The following GPC6 variants were observed in gnomAD, a reference collection of about 807,000 sequenced individuals.
The protein encoded by GPC6 is glypican 6.
GPC6 carries 14 observed loss-of-function variants against 55.2 expected under a neutral mutation model. The ratio of observed to expected loss-of-function variants is 0.25; its 90% CI spans 0.17 to 0.40. GPC6 has a LOEUF of 0.40. Among genes scored for constraint, GPC6 ranks in the 10% least tolerant of loss-of-function variants. GPC6 has a pLI of 1.00. For synonymous variants in GPC6, 278 were observed against 259.6 expected (o/e 1.07, Z -0.68); for missense variants, 641 against 708.5 (o/e 0.90, Z 1.08).
At chr13:94,228,678 G>T (rs117556820) in intron 4 of GPC6, among the ~76,000 whole-genome samples, 2 of 151,806 alleles carry the variant, frequency 1.3e-5, no homozygotes, top group Non-Finnish European at 2.9e-5. Flanking sequence ...CACCACACAC[G>T]TACACATAGG....
intron 4 of GPC6, among the ~76,000 whole-genome samples, chr13:94,229,798 T>C (rs1890667247): frequency 6.6e-6 from 1 of 152,170 alleles, no homozygotes; most frequent in Non-Finnish European, 1.5e-5. Context: ...AAGATGACAG[T>C]AACTCACAAA....
chr13:94,069,698 A>G (rs891357559), intron 4 of GPC6, among the ~76,000 whole-genome samples: 3 of 152,222 alleles, frequency 2.0e-5, no homozygotes, highest in Non-Finnish European at 4.4e-5. Context: ...ACAGATCTAT[A>G]GGGCAGGGGC....
At chr13:93,464,659 C>T (rs972304590) in intron 1 of GPC6, among the ~76,000 whole-genome samples, 1 of 152,118 alleles carries the variant, frequency 6.6e-6, no homozygotes, top group African/African-American at 2.4e-5. Context: ...AATTCTTGGA[C>T]CCCTCCAAGT....
intron 3 of GPC6, among the ~76,000 whole-genome samples, chr13:93,904,661 G>C (rs894171592): frequency 1.2e-4 from 19 of 152,276 alleles, no homozygotes; most frequent in Admixed American, 9.2e-4. Flanking sequence ...TCACAAGCCA[G>C]GGAGGTTGAG....
chr13:93,344,401 C>T (rs147952592), intron 1 of GPC6, among the ~76,000 whole-genome samples: 18 of 152,278 alleles, frequency 1.2e-4, no homozygotes, highest in African/African-American at 3.4e-4. Context: ...TTTGAATTCT[C>T]CAAAACCTGT....
chr13:93,865,928 G>A (rs1299023610), intron 3 of GPC6, among the ~76,000 whole-genome samples: 1 of 151,604 alleles, frequency 6.6e-6, no homozygotes, highest in Non-Finnish European at 1.5e-5. Flanking sequence ...ATTCTCTGAG[G>A]TCACATGATT....
intron 4 of GPC6, among the ~76,000 whole-genome samples, chr13:94,189,762 C>T (rs568043228): frequency 1.3e-5 from 2 of 152,304 alleles, no homozygotes; most frequent in African/African-American, 4.8e-5. Context: ...TGGCTTACGC[C>T]TGTAATCCCC....
intron 1 of GPC6, among the ~76,000 whole-genome samples, chr13:93,459,976 G>A (rs1412803536): frequency 6.6e-6 from 1 of 152,172 alleles, no homozygotes; most frequent in African/African-American, 2.4e-5. Flanking sequence ...ATGTTAAGCT[G>A]CCCTTCTCAA....
chr13:93,487,357 T>A (rs978093735), intron 1 of GPC6, among the ~76,000 whole-genome samples: 4 of 152,170 alleles, frequency 2.6e-5, no homozygotes, highest in Non-Finnish European at 5.9e-5. Context: ...TTCCTAATCT[T>A]CTCCCTTCTC....
chr13:93,219,088 CTATT>C, the GPC6 span, among the ~76,000 whole-genome samples: 1 of 138,648 alleles, frequency 7.2e-6, no homozygotes, highest in African/African-American at 2.7e-5. Context: ...TCTTTCTTTC[CTATT>C]TTTTTTTTTT....
chr13:93,534,103 G>A (rs1026401613), intron 1 of GPC6, among the ~76,000 whole-genome samples: 21 of 152,112 alleles, frequency 1.4e-4, no homozygotes, highest in African/African-American at 4.1e-4. Context: ...GAGGAGATGG[G>A]TGAAAAACCC....
chr13:94,217,888 T>G (rs1479348635), intron 4 of GPC6, among the ~76,000 whole-genome samples: 1 of 150,504 alleles, frequency 6.6e-6, no homozygotes, highest in African/African-American at 2.4e-5. Flanking sequence ...CAACTTACCT[T>G]GAGGTGTTGT....
chr13:93,640,306 A>G (rs1879859114), intron 2 of GPC6, among the ~76,000 whole-genome samples: 1 of 152,102 alleles, frequency 6.6e-6, no homozygotes, highest in African/African-American at 2.4e-5. Context: ...CAATAGGAAA[A>G]ATAATTATCA....
intron 1 of GPC6, among the ~76,000 whole-genome samples, chr13:93,288,574 A>G (rs1878213851): frequency 6.6e-6 from 1 of 152,212 alleles, no homozygotes; most frequent in African/African-American, 2.4e-5. Context: ...TGTATGTAAG[A>G]TGAAACTTTT....
At chr13:93,234,782 T>C (rs991657465) in intron 1 of GPC6, among the ~76,000 whole-genome samples, 4 of 152,122 alleles carry the variant, frequency 2.6e-5, no homozygotes, top group Admixed American at 1.3e-4. Flanking sequence ...TGAATTACCA[T>C]GGCAATAAAA....
intron 1 of GPC6, among the ~76,000 whole-genome samples, chr13:93,403,852 G>C (rs1876186787): frequency 6.6e-6 from 1 of 152,026 alleles, no homozygotes; most frequent in African/African-American, 2.4e-5. Flanking sequence ...GAGCTTTGTG[G>C]TTGAAAATAA....
intron 1 of GPC6, among the ~76,000 whole-genome samples, chr13:93,244,572 A>G (rs1876536700): frequency 6.6e-6 from 1 of 152,184 alleles, no homozygotes. Flanking sequence ...CTGGGCGGGC[A>G]TGCAAAGCAC....
chr13:93,248,980 T>C (rs1434091149), intron 1 of GPC6, among the ~76,000 whole-genome samples: 10 of 152,214 alleles, frequency 6.6e-5, no homozygotes, highest in Non-Finnish European at 7.4e-5. Flanking sequence ...TAAAGGATAC[T>C]GAACATTGAA....
At chr13:93,899,417 A>G (rs547173738) in intron 3 of GPC6, among the ~76,000 whole-genome samples, 1 of 151,656 alleles carries the variant, frequency 6.6e-6, no homozygotes. Context: ...GTCTTGAAGG[A>G]TGGGTAAGAA....
Sources: gnomAD v4.1 joint callset for allele counts (sites outside exome capture counted in the v4.1 genomes callset) on GRCh38, gnomAD v4.1.1 for gene constraint, MANE v1.5 for transcripts, NCBI Gene and HGNC (gene_info 2026-07-23, HGNC 2026-07-21) for gene names.